PRKCE: variants seen among roughly 807,000 people sequenced by gnomAD.
The protein encoded by PRKCE is protein kinase C epsilon type.
In PRKCE, 16 loss-of-function variants were observed where a neutral mutation model predicts 85.4. The observed-to-expected ratio is 0.19, with a 90% confidence interval of 0.13 to 0.28. PRKCE has a LOEUF of 0.28. Ranked by LOEUF, PRKCE falls within the 10% of genes least tolerant of loss-of-function variation. The pLI, the probability that PRKCE is intolerant of heterozygous loss-of-function variation, is 1.00. For synonymous variants in PRKCE, 388 were observed against 371.5 expected (o/e 1.04, Z -0.51); for missense variants, 573 against 975.2 (o/e 0.59, Z 5.49).
chr2:45,755,613 T>C (rs1424789287), intron 1 of PRKCE, among the ~76,000 whole-genome samples: 4 of 152,256 alleles, frequency 2.6e-5, no homozygotes, highest in African/African-American at 9.6e-5. Context: ...TTAGAAATAT[T>C]TCAGTTGTAA....
At chr2:46,165,351 CTT>C (rs775603620) in intron 14 of PRKCE, among the ~76,000 whole-genome samples, 1 of 152,342 alleles carries the variant, frequency 6.6e-6, no homozygotes, top group Non-Finnish European at 1.5e-5. Context: ...AAACCAAAGA[CTT>C]TGCACCATCA....
chr2:45,958,369 C>T (rs1464096199), intron 2 of PRKCE, among the ~76,000 whole-genome samples: 2 of 151,238 alleles, frequency 1.3e-5, no homozygotes, highest in African/African-American at 2.4e-5. Context: ...ATTAGCCAGG[C>T]GTGGTGGCGG....
intron 11 of PRKCE, among the ~76,000 whole-genome samples, chr2:46,095,782 G>A (rs968908875): frequency 2.0e-5 from 3 of 152,204 alleles, no homozygotes; most frequent in African/African-American, 7.2e-5. Flanking sequence ...GAGAAGGAAA[G>A]TAAAATAGTG....
intron 2 of PRKCE, among the ~76,000 whole-genome samples, chr2:45,881,929 T>C (rs906379377): frequency 2.6e-5 from 4 of 152,206 alleles, no homozygotes; most frequent in African/African-American, 9.6e-5. Context: ...GCTCTGTGTG[T>C]TGTCATGACA....
intron 2 of PRKCE, among the ~76,000 whole-genome samples, chr2:45,885,001 A>ATATATATATATATATATT (rs1342824133): frequency 1.4e-5 from 1 of 71,544 alleles, no homozygotes; most frequent in African/African-American, 5.8e-5. Flanking sequence ...ATATATATAT[A>ATATATATATATATATATT]TTTGTTGTTG....
At chr2:45,957,678 A>G (rs967311988) in intron 2 of PRKCE, among the ~76,000 whole-genome samples, 3 of 152,102 alleles carry the variant, frequency 2.0e-5, no homozygotes, top group Non-Finnish European at 2.9e-5. Context: ...TCGGAGGCCA[A>G]GGTGGAAAGA....
intron 14 of PRKCE, among the ~76,000 whole-genome samples, chr2:46,162,828 A>G (rs2104598451): frequency 6.6e-6 from 1 of 152,312 alleles, no homozygotes; most frequent in South Asian, 2.1e-4. Flanking sequence ...AATAAACGAG[A>G]GTGGTCCACA....
At chr2:45,718,732 C>T (rs1361003812) in intron 1 of PRKCE, among the ~76,000 whole-genome samples, 4 of 152,112 alleles carry the variant, frequency 2.6e-5, no homozygotes, top group African/African-American at 7.2e-5. Flanking sequence ...AGTTTGCTAA[C>T]CTGTTATAGC....
chr2:45,955,491 C>G (rs1053120373), intron 2 of PRKCE, among the ~76,000 whole-genome samples: 45 of 152,192 alleles, frequency 3.0e-4, no homozygotes, highest in African/African-American at 9.4e-4. Flanking sequence ...ATAGTCTCTT[C>G]TGCTCAGCTG....
At chr2:46,108,301 G>C (rs920018879) in intron 11 of PRKCE, among the ~76,000 whole-genome samples, 1 of 152,132 alleles carries the variant, frequency 6.6e-6, no homozygotes, top group Non-Finnish European at 1.5e-5. Context: ...CCAGTCTGTG[G>C]CTTGACTTTT....
intron 1 of PRKCE, chr2:45,677,754 T>C: frequency 1.8e-6 from 1 of 550,818 alleles, no homozygotes; most frequent in Non-Finnish European, 2.3e-6. Flanking sequence ...CTCTGGCTTG[T>C]GGTCGGGTGT....
intron 2 of PRKCE, among the ~76,000 whole-genome samples, chr2:45,872,714 C>A (rs1694188217): frequency 6.6e-6 from 1 of 152,164 alleles, no homozygotes; most frequent in African/African-American, 2.4e-5. Context: ...GGTATTTGTT[C>A]TAAGCAACTG....
rs113761694 is a variant in PRKCE, at chr2:45,831,714, C to T, written c.349-11286C>T. Among the ~76,000 whole-genome samples the T allele has an allele frequency of 5.7e-3, 864 of 152,126 alleles. 11 individuals are homozygous for T. The highest frequency in any genetic ancestry group is 0.019 in the African/African-American group (804 of 41,500). ...GAGGCATACACATTTTATTTAGGGA[C>T]GCAGCAGTGACCACCAGAGAAACCT... is the stretch of plus-strand genomic sequence containing the variant. On this transcript the variant is annotated intron_variant, in intron 1 of 14. Coordinates refer to ENST00000306156, the MANE Select transcript of PRKCE (RefSeq NM_005400.3).
chr2:45,872,047 A>G (rs1004339037), intron 2 of PRKCE, among the ~76,000 whole-genome samples: 1 of 152,166 alleles, frequency 6.6e-6, no homozygotes, highest in Non-Finnish European at 1.5e-5. Context: ...CTCTGCCCTC[A>G]TGGAACTTAC....
chr2:45,752,085 G>A (rs1162949476), intron 1 of PRKCE, among the ~76,000 whole-genome samples: 1 of 151,830 alleles, frequency 6.6e-6, no homozygotes, highest in African/African-American at 2.4e-5. Context: ...CCAAAGTGCT[G>A]GGATTACAGG....
intron 2 of PRKCE, among the ~76,000 whole-genome samples, chr2:45,858,186 C>A (rs1947195): frequency 6.6e-6 from 1 of 152,132 alleles, no homozygotes; most frequent in African/African-American, 2.4e-5. Flanking sequence ...CTGCCTGTAA[C>A]GATGGCCCTT....
intron 2 of PRKCE, among the ~76,000 whole-genome samples, chr2:45,892,052 T>C (rs1388078142): frequency 1.3e-5 from 2 of 152,256 alleles, no homozygotes; most frequent in Non-Finnish European, 2.9e-5. Flanking sequence ...AGTTGACACC[T>C]GGCTTCTGTT....
intron 11 of PRKCE, among the ~76,000 whole-genome samples, chr2:46,136,544 C>G (rs183669533): frequency 6.6e-6 from 1 of 152,304 alleles, no homozygotes; most frequent in Admixed American, 6.5e-5. Flanking sequence ...CTTGTTTACT[C>G]ACCCCCACCC....
intron 2 of PRKCE, among the ~76,000 whole-genome samples, chr2:45,946,156 A>C (rs1320380434): frequency 1.3e-5 from 2 of 152,228 alleles, no homozygotes; most frequent in Non-Finnish European, 2.9e-5. Context: ...TTTGTAAAGG[A>C]ATGAGGAGGA....
Sources: allele counts gnomAD v4.1 joint callset (sites outside exome capture counted in the v4.1 genomes callset), GRCh38; gene constraint gnomAD v4.1.1; transcripts MANE v1.5; gene names NCBI Gene and HGNC (gene_info 2026-07-23, HGNC 2026-07-21).